The following GALNT13 variants were observed in gnomAD, a reference collection of about 807,000 sequenced individuals.
GALNT13 encodes polypeptide N-acetylgalactosaminyltransferase 13, also known as UDP-GalNAc:polypeptide N-acetylgalactosaminyltransferase 13.
In GALNT13, 28 loss-of-function variants were observed where a neutral mutation model predicts 64.2. The observed-to-expected ratio is 0.44, with a 90% confidence interval of 0.32 to 0.60. The LOEUF (loss-of-function observed/expected upper bound fraction) is 0.60. Among genes scored for constraint, GALNT13 ranks in the 20% least tolerant of loss-of-function variants. The probability of loss-of-function intolerance (pLI) is 0.05; values close to 1 mark genes in which losing one functional copy is unlikely to be tolerated. For synonymous variants in GALNT13, 214 were observed against 224.6 expected, an observed-to-expected ratio of 0.95 and a Z score of 0.42; for missense variants, 577 against 669.8, an observed-to-expected ratio of 0.86 and a Z score of 1.53.
the GALNT13 span, among the ~76,000 whole-genome samples, chr2:153,619,999 C>T: frequency 6.6e-6 from 1 of 152,058 alleles, no homozygotes; most frequent in African/African-American, 2.4e-5. Context: ...TCTCTAGATT[C>T]AGGAAGTTCT....
the GALNT13 span, among the ~76,000 whole-genome samples, chr2:153,699,834 TTGAGGCAG>T: frequency 1.3e-5 from 2 of 152,202 alleles, no homozygotes; most frequent in South Asian, 4.2e-4. Context: ...GGTTCTGAAA[TTGAGGCAG>T]TGTTTAATAG....
intron 9 of GALNT13, among the ~76,000 whole-genome samples, chr2:154,320,534 T>C (rs1694566774): frequency 6.6e-6 from 1 of 152,164 alleles, no homozygotes; most frequent in Non-Finnish European, 1.5e-5. Context: ...AGTCTTTTTT[T>C]CCACTGCTGT....
In GALNT13 at chr2:154,298,827, CATTATATATAAATTATATATTAT is replaced by C. The variant is rs1693239094; in HGVS notation, c.976-2581_976-2559del. On this transcript the variant is annotated intron_variant, in intron 8 of 12. Transcript: ENST00000392825. ...ATAAATTATATATTATTTATATATA[CATTATATATAAATTATATATTAT>C]TTATATATACATTATATATACATTA... Among the ~76,000 whole-genome samples the C allele has an allele frequency of 3.3e-3, 11 of 3,364 alleles. No individual in the cohort carries two copies. In the South Asian group the frequency reaches 0.11, roughly 35 times the overall value. 2.2% of individuals were successfully genotyped at this position (3,364 alleles called of 152,430 possible). A position where few individuals can be genotyped will look rare whatever the true frequency, so the allele number is the denominator to read the frequency against.
At chr2:154,136,292 A>G (rs1173406309) in intron 3 of GALNT13, among the ~76,000 whole-genome samples, 1 of 152,192 alleles carries the variant, frequency 6.6e-6, no homozygotes, top group African/African-American at 2.4e-5. Flanking sequence ...ATTTTGATTC[A>G]ATGTTATGCT....
chr2:153,932,404 CT>C (rs1035374689), intron 2 of GALNT13, among the ~76,000 whole-genome samples: 3 of 151,686 alleles, frequency 2.0e-5, no homozygotes, highest in African/African-American at 7.3e-5. Context: ...ATCTTTTAAA[CT>C]TTTTCATGTG....
At chr2:153,511,466 G>T in the GALNT13 span, among the ~76,000 whole-genome samples, 35 of 152,210 alleles carry the variant, frequency 2.3e-4, no homozygotes, top group African/African-American at 7.5e-4. Flanking sequence ...GATTATTTTT[G>T]TATTTCTTTT....
chr2:153,672,114 C>T, the GALNT13 span, among the ~76,000 whole-genome samples: 1 of 152,150 alleles, frequency 6.6e-6, no homozygotes, highest in Non-Finnish European at 1.5e-5. Flanking sequence ...GAGACTTTAA[C>T]ACCCCACTGT....
the GALNT13 span, among the ~76,000 whole-genome samples, chr2:153,677,665 A>G: frequency 2.0e-5 from 3 of 152,272 alleles, no homozygotes; most frequent in East Asian, 5.8e-4. Flanking sequence ...ACTATACTAC[A>G]AGGCTACAGT....
Position 154,216,802 on chromosome 2 carries a change from CTTTTTTTTTTTTTTT to C in GALNT13, c.312-25217_312-25203del, listed in dbSNP as rs397872685. ...TTCATTTACTTTCATTTCTCTCTCT[CTTTTTTTTTTTTTTT>C]TTTTTTTTTTGAGACAGGGTCTTTC... On this transcript the variant is annotated intron_variant, in intron 4 of 12. Coordinates refer to ENST00000392825, the MANE Select transcript of GALNT13 (RefSeq NM_052917.4). Among the ~76,000 whole-genome samples the C allele has an allele frequency of 1.1e-4, 8 of 71,310 alleles. No homozygotes were observed. In the East Asian group the frequency reaches 3.7e-3, roughly 33 times the overall value. The allele number at this position is 71,310 out of a possible 152,430, so 46.8% of individuals were successfully genotyped here. A position where few individuals can be genotyped will look rare whatever the true frequency, so the allele number is the denominator to read the frequency against.
intron 3 of GALNT13, among the ~76,000 whole-genome samples, chr2:153,967,964 G>A (rs923963385): frequency 2.0e-5 from 3 of 151,952 alleles, no homozygotes; most frequent in African/African-American, 4.8e-5. Flanking sequence ...TGGTACCCAC[G>A]TTGCAAGACA....
At chr2:154,148,518 T>C (rs1683766166) in intron 4 of GALNT13, among the ~76,000 whole-genome samples, 2 of 152,106 alleles carry the variant, frequency 1.3e-5, no homozygotes, top group African/African-American at 4.8e-5. Context: ...TCCACAATGG[T>C]TGAACTAGTT....
At chr2:153,338,278 G>A in the GALNT13 span, among the ~76,000 whole-genome samples, 4 of 151,896 alleles carry the variant, frequency 2.6e-5, no homozygotes, top group Non-Finnish European at 5.9e-5. Context: ...AGGTGACAGA[G>A]CAAGACCCTG....
At chr2:153,197,431 A>G in the GALNT13 span, among the ~76,000 whole-genome samples, 22 of 152,366 alleles carry the variant, frequency 1.4e-4, no homozygotes, top group East Asian at 4.3e-3. Flanking sequence ...TGCTATATCA[A>G]TGGCCAACCA....
chr2:153,131,811 A>G, the GALNT13 span, among the ~76,000 whole-genome samples: 4 of 151,960 alleles, frequency 2.6e-5, no homozygotes, highest in Non-Finnish European at 4.4e-5. Context: ...TTGGTACCTA[A>G]TGGAAGCTCA....
chr2:153,474,979 A>G, the GALNT13 span, among the ~76,000 whole-genome samples: 3 of 152,232 alleles, frequency 2.0e-5, no homozygotes, highest in African/African-American at 7.2e-5. Flanking sequence ...TTTTTTTCTT[A>G]GAGAATGTCT....
chr2:153,796,482 A>T, the GALNT13 span, among the ~76,000 whole-genome samples: 2 of 152,216 alleles, frequency 1.3e-5, no homozygotes, highest in Non-Finnish European at 2.9e-5. Context: ...GGAATAACTA[A>T]TTTGAAGCTC....
the GALNT13 span, among the ~76,000 whole-genome samples, chr2:153,506,945 T>A: frequency 1.6e-4 from 24 of 152,328 alleles, no homozygotes; most frequent in East Asian, 3.5e-3. Context: ...TTCCAGACTT[T>A]TAGATTTCTC....
At chr2:153,182,030 GTTTTC>G in the GALNT13 span, among the ~76,000 whole-genome samples, 8 of 150,592 alleles carry the variant, frequency 5.3e-5, no homozygotes, top group Non-Finnish European at 8.9e-5. Flanking sequence ...ATAATAAGCA[GTTTTC>G]TTTTCTTTTC....
intron 3 of GALNT13, among the ~76,000 whole-genome samples, chr2:154,116,327 C>T (rs1681561805): frequency 6.6e-6 from 1 of 152,154 alleles, no homozygotes; most frequent in South Asian, 2.1e-4. Context: ...CAGTAGAAAC[C>T]TGGTGAGGCT....
Sources: gnomAD v4.1 joint callset for allele counts (sites outside exome capture counted in the v4.1 genomes callset) on GRCh38, gnomAD v4.1.1 for gene constraint, MANE v1.5 for transcripts, NCBI Gene and HGNC (gene_info 2026-07-23, HGNC 2026-07-21) for gene names.